PDZRN4: variants seen among roughly 807,000 people sequenced by gnomAD.
PDZRN4 encodes PDZ domain-containing RING finger protein 4.
In PDZRN4, 70 loss-of-function variants were observed where a neutral mutation model predicts 99.0. That is an observed-to-expected ratio of 0.71 (90% confidence interval 0.58 to 0.86). The LOEUF (loss-of-function observed/expected upper bound fraction) is 0.86. Among genes scored for constraint, PDZRN4 ranks in the 40% least tolerant of loss-of-function variants. The pLI, the probability that PDZRN4 is intolerant of heterozygous loss-of-function variation, is 0.00. For synonymous variants in PDZRN4, 551 were observed against 501.6 expected, an observed-to-expected ratio of 1.10 and a Z score of -1.32; for missense variants, 1,474 against 1,331.2, an observed-to-expected ratio of 1.11 and a Z score of -1.67.
At chr12:41,346,131 G>A (rs1330677996) in intron 3 of PDZRN4, among the ~76,000 whole-genome samples, 1 of 152,096 alleles carries the variant, frequency 6.6e-6, no homozygotes, top group African/African-American at 2.4e-5. Context: ...CAGATCTTGT[G>A]CGCATCCCCT....
intron 3 of PDZRN4, among the ~76,000 whole-genome samples, chr12:41,258,036 C>A (rs143248049): frequency 1.2e-4 from 19 of 152,060 alleles, no homozygotes; most frequent in African/African-American, 2.4e-4. Context: ...TTGAGTGATC[C>A]GGGCATGGTC....
chr12:41,568,131 C>T (rs187190851), intron 9 of PDZRN4, among the ~76,000 whole-genome samples: 5 of 152,188 alleles, frequency 3.3e-5, no homozygotes, highest in Non-Finnish European at 5.9e-5. Flanking sequence ...TAATACAGTA[C>T]AGTAGTATTC....
chr12:41,400,558 T>C (rs967424778), intron 3 of PDZRN4, among the ~76,000 whole-genome samples: 2 of 152,088 alleles, frequency 1.3e-5, no homozygotes, highest in Non-Finnish European at 2.9e-5. Flanking sequence ...ATATGTTCTG[T>C]TTTGTTCTGG....
intron 3 of PDZRN4, among the ~76,000 whole-genome samples, chr12:41,361,108 G>A (rs958918156): frequency 2.0e-5 from 3 of 151,970 alleles, no homozygotes; most frequent in African/African-American, 4.8e-5. Flanking sequence ...TATTTAGTGT[G>A]AGTATTTTTG....
chr12:41,228,180 C>T (rs564234164), intron 3 of PDZRN4, among the ~76,000 whole-genome samples: 1 of 152,218 alleles, frequency 6.6e-6, no homozygotes, highest in African/African-American at 2.4e-5. Context: ...AATCCTCCTC[C>T]GAATCTGCCA....
intron 3 of PDZRN4, among the ~76,000 whole-genome samples, chr12:41,428,498 T>C (rs1952557336): frequency 6.6e-6 from 1 of 152,304 alleles, no homozygotes; most frequent in Non-Finnish European, 1.5e-5. Context: ...CAGATAGAAC[T>C]GTCCACACTC....
At chr12:41,546,133 G>A (rs137858492) in intron 5 of PDZRN4, among the ~76,000 whole-genome samples, 4 of 152,320 alleles carry the variant, frequency 2.6e-5, no homozygotes, top group African/African-American at 7.2e-5. Context: ...TGAACGTACA[G>A]GGAAAGCAGT....
At chr12:41,391,693 A>G (rs1021367413) in intron 3 of PDZRN4, among the ~76,000 whole-genome samples, 2 of 152,168 alleles carry the variant, frequency 1.3e-5, no homozygotes, top group Non-Finnish European at 2.9e-5. Context: ...TCCTCCCCCA[A>G]TCACTAGTTT....
At chr12:41,236,843 G>T (rs1170321419) in intron 3 of PDZRN4, among the ~76,000 whole-genome samples, 1 of 152,052 alleles carries the variant, frequency 6.6e-6, no homozygotes, top group Non-Finnish European at 1.5e-5. Flanking sequence ...TAGATACTTG[G>T]ATTTTCTTTC....
intron 3 of PDZRN4, among the ~76,000 whole-genome samples, chr12:41,360,969 TG>T (rs1428412022): frequency 6.0e-5 from 8 of 132,744 alleles, no homozygotes; most frequent in African/African-American, 2.2e-4. Context: ...TGTGTGTGTG[TG>T]TGTGTGTATT....
chr12:41,371,264 A>C (rs1952039213), intron 3 of PDZRN4, among the ~76,000 whole-genome samples: 1 of 151,652 alleles, frequency 6.6e-6, no homozygotes, highest in Admixed American at 6.6e-5. Context: ...TATAACTATT[A>C]TATTAATATA....
At chr12:41,449,355 G>A (rs753457181) in intron 3 of PDZRN4, among the ~76,000 whole-genome samples, 16 of 152,088 alleles carry the variant, frequency 1.1e-4, no homozygotes, top group Non-Finnish European at 2.2e-4. Context: ...ATCTCTGGAG[G>A]TCAAAAACCC....
At chr12:41,360,242 A>C (rs1464846485) in intron 3 of PDZRN4, among the ~76,000 whole-genome samples, 1 of 152,032 alleles carries the variant, frequency 6.6e-6, no homozygotes, top group Non-Finnish European at 1.5e-5. Context: ...GTAATCTTCT[A>C]AGAACTATTT....
chr12:41,188,652 G>C lies in PDZRN4; in HGVS notation c.197G>C (p.Arg66Pro). 1.3e-6 allele frequency: 2 copies of C among 1,545,038 alleles called. No homozygotes were observed. The highest frequency in any genetic ancestry group is 1.7e-6 in the Non-Finnish European group (2 of 1,152,976). Residue 66 changes from arginine to proline, a missense_variant, in exon 1 of 10, where the codon CGG becomes CCG. Coordinates refer to ENST00000402685, the MANE Select transcript of PDZRN4 (RefSeq NM_001164595.2). ...CCCTTGGCGCCCGGCGAGCTGTACC[G>C]GGTGCTGCCGCTGCGCAGCCTCATC... ...CQPLAPGELY[R>P]VLPLRSLIQK...
chr12:41,387,245 A>G (rs1275120250), intron 3 of PDZRN4, among the ~76,000 whole-genome samples: 4 of 152,312 alleles, frequency 2.6e-5, no homozygotes, highest in East Asian at 1.9e-4. Context: ...TCCAGCATCT[A>G]TAAGGAACTT....
At chr12:41,215,955 A>C (rs967811214) in intron 3 of PDZRN4, among the ~76,000 whole-genome samples, 2 of 152,074 alleles carry the variant, frequency 1.3e-5, no homozygotes, top group East Asian at 1.9e-4. Flanking sequence ...TGTAAATCAT[A>C]AAGTGTTCTA....
intron 3 of PDZRN4, among the ~76,000 whole-genome samples, chr12:41,266,680 C>G (rs1024200985): frequency 1.3e-5 from 2 of 152,102 alleles, no homozygotes; most frequent in African/African-American, 4.8e-5. Context: ...GCTTTTTAGT[C>G]CACTCATAAT....
At chr12:41,529,781 T>C (rs1938628810) in intron 5 of PDZRN4, among the ~76,000 whole-genome samples, 1 of 152,342 alleles carries the variant, frequency 6.6e-6, no homozygotes. Context: ...GTATGTGTCA[T>C]ATGTGATCTC....
intron 3 of PDZRN4, among the ~76,000 whole-genome samples, chr12:41,207,565 C>CA (rs1207291457): frequency 3.3e-5 from 5 of 151,634 alleles, no homozygotes; most frequent in African/African-American, 1.2e-4. Context: ...GAAGTACTCA[C>CA]AAAATATATC....
Sources: allele counts gnomAD v4.1 joint callset (sites outside exome capture counted in the v4.1 genomes callset), GRCh38; gene constraint gnomAD v4.1.1; transcripts MANE v1.5; gene names NCBI Gene and HGNC (gene_info 2026-07-23, HGNC 2026-07-21).